Variants in SLC26A9 observed in about 807,000 individuals in gnomAD.
The protein encoded by SLC26A9 is anion transporter/exchanger protein 9.
A neutral mutation model predicts 87.1 loss-of-function variants in SLC26A9; 46 were observed. The observed-to-expected ratio is 0.53, with a 90% confidence interval of 0.42 to 0.67. The LOEUF is 0.67. Among genes scored for constraint, SLC26A9 ranks in the 30% least tolerant of loss-of-function variants. The probability of loss-of-function intolerance (pLI) is 0.00; values close to 1 mark genes in which losing one functional copy is unlikely to be tolerated. For missense variants in SLC26A9, 927 were observed against 1,018.3 expected (o/e 0.91, Z 1.22); for synonymous variants, 437 against 409.1 (o/e 1.07, Z -0.82).
chr1:205,931,878 G>A lies in SLC26A9; in HGVS notation c.534C>T (p.Cys178=). The A allele has an allele frequency of 6.2e-7, 1 of 1,613,356 alleles. No individual in the cohort carries two copies. Among genetic ancestry groups the A allele is most frequent in the Non-Finnish European group, 8.5e-7 (1 of 1,179,774 alleles). Reference sequence around the variant, plus strand: ...CCCTCACCTGGATGATGGCGGTGAGGCAGGCTAGCGTAGCTGACACGTGCA... The same window carrying A: ...CCCTCACCTGGATGATGGCGGTGAGACAGGCTAGCGTAGCTGACACGTGCA... The part of the protein sequence containing the change: ...ERLHVSATLA[C]LTAIIQMGLG... The change falls in exon 5 of 21, where the codon TGC becomes TGT. Residue 178 remains cysteine, a synonymous_variant. Transcript: ENST00000367135.
intron 19 of SLC26A9, among the ~76,000 whole-genome samples, chr1:205,918,413 C>T (rs758532126): frequency 2.0e-5 from 3 of 152,096 alleles, no homozygotes; most frequent in Non-Finnish European, 2.9e-5. Flanking sequence ...CTCTAAGCTC[C>T]GGTAAGTTAA....
intron 1 of SLC26A9, among the ~76,000 whole-genome samples, chr1:205,940,610 C>G (rs905852091): frequency 3.3e-5 from 5 of 152,194 alleles, no homozygotes; most frequent in African/African-American, 1.2e-4. Flanking sequence ...TTTCCATCTG[C>G]CCCTATACCT....
rs780355658 is a variant in SLC26A9, at chr1:205,923,427, C to T, written c.1567G>A (p.Ala523Thr). 6.2e-7 allele frequency: 1 copy of T among 1,614,104 alleles called. No homozygotes were observed. The highest frequency in any genetic ancestry group is 8.5e-7 in the Non-Finnish European group (1 of 1,180,014). The change falls in exon 15 of 21, where the codon GCC (alanine) becomes ACC (threonine). Residue 523 changes from alanine (A) to threonine (T), a missense_variant and splice_region_variant. Coordinates refer to ENST00000367135, the MANE Select transcript of SLC26A9 (RefSeq NM_052934.4). Reference sequence around the variant, plus strand: ...ATTTTAATCCCCTGGATATCCTGGGCCTGTGACAGGGAGACTGAGCTCAAG... The same window carrying T: ...ATTTTAATCCCCTGGATATCCTGGGTCTGTGACAGGGAGACTGAGCTCAAG... ...IYVNPKTYNR[A>T]QDIQGIKIIT...
intron 16 of SLC26A9, among the ~76,000 whole-genome samples, chr1:205,922,597 C>G (rs1658888965): frequency 6.6e-6 from 1 of 152,198 alleles, no homozygotes. Context: ...ATGGTAGCAC[C>G]TCATCCAAGA....
chr1:205,933,955 G>A lies in SLC26A9; in HGVS notation c.126-871C>T, dbSNP rs1995007. Among the ~76,000 whole-genome samples, 1,366 of 152,306 alleles carry A rather than the reference G, an allele frequency of 9.0e-3. 11 individuals are homozygous for A. The highest frequency in any genetic ancestry group is 0.03 in the East Asian group (154 of 5,182). ...GTGACAGCCGGTGGATTGATGACTG[G>A]AAGTGGGTGAGGGGCATTTGCTTTC... On this transcript the variant is annotated intron_variant, in intron 2 of 20. Coordinates refer to ENST00000367135, the MANE Select transcript of SLC26A9 (RefSeq NM_052934.4).
rs202127835 is a variant in SLC26A9, at chr1:205,929,208, A to G, written c.866T>C (p.Ile289Thr). The G allele has an allele frequency of 2.9e-4, 462 of 1,613,704 alleles. No individual in the cohort carries two copies. Among genetic ancestry groups the G allele is most frequent in the Non-Finnish European group, 3.8e-4 (445 of 1,179,762 alleles). Residue 289 changes from isoleucine (I) to threonine (T), a missense_variant, in exon 7 of 21, where the codon ATT becomes ACT. Physicochemically the swap from Ile to Thr is moderately conservative, Grantham distance 89 (BLOSUM62 -1). Coordinates refer to ENST00000367135, the MANE Select transcript of SLC26A9 (RefSeq NM_052934.4). ...KIRFPIPTEM[I>T]VVVVATAISG... ...AGCTCTGAACAAGGTCCTTACCACA[A>G]TCATCTCTGTAGGGATGGGGAAGCG... is the stretch of plus-strand genomic sequence containing the variant.
chr1:205,936,663 G>A (rs1021189595), intron 1 of SLC26A9, among the ~76,000 whole-genome samples: 1 of 152,166 alleles, frequency 6.6e-6, no homozygotes, highest in African/African-American at 2.4e-5. Context: ...CCAGAGCTGG[G>A]AGAAGTTGCT....
Position 205,930,022 on chromosome 1 carries a change from G to A in SLC26A9, c.587C>T (p.Ala196Val). 13 of 1,612,684 alleles carry A rather than the reference G, an allele frequency of 8.1e-6. No individual in the cohort carries two copies. The highest frequency in any genetic ancestry group is 1.0e-5 in the Non-Finnish European group (12 of 1,178,764). ...GLGFMQFGFVAIYLSESFIRG... is the reference protein window; with the variant it reads ...GLGFMQFGFVVIYLSESFIRG... Reference sequence around the variant, plus strand: ...GATGAAGGACTCGGAGAGGTAGATGGCCACAAAGCCAAACTGCATGAAGCC... The same window carrying A: ...GATGAAGGACTCGGAGAGGTAGATGACCACAAAGCCAAACTGCATGAAGCC... Residue 196 changes from alanine (A) to valine (V), a missense_variant, in exon 6 of 21, where the codon GCC becomes GTC. Ala to Val is a moderately conservative substitution (Grantham distance 64, BLOSUM62 0). Transcript: ENST00000367135.
intron 5 of SLC26A9, among the ~76,000 whole-genome samples, chr1:205,930,917 A>C (rs1307175178): frequency 1.3e-5 from 2 of 152,122 alleles, no homozygotes; most frequent in East Asian, 3.9e-4. Context: ...TTTGCTGCTT[A>C]TCTCACTGCA....
intron 13 of SLC26A9, 117 bp from the exon 14 acceptor site, chr1:205,923,730 C>T: frequency 1.9e-6 from 2 of 1,072,108 alleles, no homozygotes; most frequent in Admixed American, 1.9e-5. Context: ...GTCCTCACCC[C>T]CAGACTTGCT....
rs1419769662 is a variant in SLC26A9 at position 205,931,841 on chromosome 1, T to C, written c.552+19A>G. 3.1e-6 allele frequency: 5 copies of C among 1,607,856 alleles called. No individual in the cohort carries two copies. Among genetic ancestry groups the C allele is most frequent in the East Asian group, 2.2e-5 (1 of 44,780 alleles). On this transcript the variant is annotated intron_variant, in intron 5 of 20. Coordinates refer to ENST00000367135, the MANE Select transcript of SLC26A9 (RefSeq NM_052934.4). ...GTGGTCTGATGCCCTTCTAGCAGGG[T>C]TGGGGGCTGCCCCCTCACCTGGATG...
chr1:205,936,149 G>A (rs1162303520), intron 1 of SLC26A9, among the ~76,000 whole-genome samples: 4 of 152,152 alleles, frequency 2.6e-5, no homozygotes, highest in African/African-American at 7.2e-5. Flanking sequence ...GGGGAATCAC[G>A]AGGGCAGGAG....
chr1:205,938,833 C>T (rs1407873763), intron 1 of SLC26A9, among the ~76,000 whole-genome samples: 2 of 152,176 alleles, frequency 1.3e-5, no homozygotes, highest in South Asian at 2.1e-4. Flanking sequence ...CCAGCCTGTA[C>T]ACTAGTGTTG....
intron 1 of SLC26A9, among the ~76,000 whole-genome samples, chr1:205,939,771 A>G (rs1301988105): frequency 1.3e-5 from 2 of 152,170 alleles, no homozygotes; most frequent in African/African-American, 4.8e-5. Context: ...AAAGTGGAAG[A>G]GGGAGCAAGA....
intron 16 of SLC26A9, 41 bp from the exon 17 acceptor site, chr1:205,921,888 G>A: frequency 2.5e-6 from 4 of 1,577,182 alleles, no homozygotes; most frequent in Non-Finnish European, 3.4e-6. Context: ...GGGACCACCA[G>A]ACTGAGCCAG....
rs115834741 is a variant in SLC26A9 at position 205,927,180 on chromosome 1, G to A, written c.1293+31C>T. ...GGGATTGTTCTTATTGGAGTCTTTC[G>A]TTGACTTCTGCTCGATGGCTGGGCT... On this transcript the variant is annotated intron_variant, in intron 11 of 20. Transcript: ENST00000367135. 2.8e-4 allele frequency: 452 copies of A among 1,611,340 alleles called. No homozygotes were observed. The African/African-American group carries it at 4.7e-3, about 17-fold the overall frequency.
intron 6 of SLC26A9, 30 bp from the exon 7 acceptor site, chr1:205,929,386 T>G: frequency 1.2e-6 from 2 of 1,607,638 alleles, no homozygotes. Flanking sequence ...GCTCACAGGC[T>G]CCCACCCCTT....
intron 5 of SLC26A9, among the ~76,000 whole-genome samples, chr1:205,931,199 G>C (rs2102593183): frequency 6.6e-6 from 1 of 152,320 alleles, no homozygotes; most frequent in African/African-American, 2.4e-5. Flanking sequence ...CTGTGGCTTG[G>C]AGCAGAGGAG....
chr1:205,916,566 A>C (rs72752923), intron 20 of SLC26A9, among the ~76,000 whole-genome samples: 15,871 of 152,194 alleles, frequency 0.1, 1,055 homozygotes, highest in African/African-American at 0.18. Flanking sequence ...GGTACGCCAT[A>C]AATACCTGCT....
Sources: gnomAD v4.1 joint callset for allele counts (sites outside exome capture counted in the v4.1 genomes callset) on GRCh38, gnomAD v4.1.1 for gene constraint, MANE v1.5 for transcripts, NCBI Gene and HGNC (gene_info 2026-07-23, HGNC 2026-07-21) for gene names.